Variants in MRPL1 observed in about 807,000 individuals in gnomAD.
MRPL1 encodes mitochondrial ribosomal protein L1.
Under a neutral mutation model 38.0 loss-of-function variants are expected in MRPL1, and 28 were observed. The ratio of observed to expected loss-of-function variants is 0.74; its 90% CI spans 0.55 to 1.01. The LOEUF (loss-of-function observed/expected upper bound fraction) is 1.01. Ranked by LOEUF, MRPL1 falls within the 50% of genes least tolerant of loss-of-function variation. The pLI is 0.00. For missense variants in MRPL1, 358 were observed against 389.8 expected (o/e 0.92, Z 0.69); for synonymous variants, 123 against 126.7 (o/e 0.97, Z 0.20).
At chr4:77,881,352 A>G (rs1735535645) in intron 2 of MRPL1, among the ~76,000 whole-genome samples, 1 of 151,922 alleles carries the variant, frequency 6.6e-6, no homozygotes, top group Non-Finnish European at 1.5e-5. Flanking sequence ...ATCTTAGTTA[A>G]TGATTCTATT....
intron 1 of MRPL1, among the ~76,000 whole-genome samples, chr4:77,869,768 T>A (rs1459825349): frequency 6.6e-6 from 1 of 151,998 alleles, no homozygotes; most frequent in African/African-American, 2.4e-5. Flanking sequence ...TTTTTTTGCG[T>A]TTTTAGTAGA....
chr4:77,933,874 C>T (rs1043880344), intron 7 of MRPL1, among the ~76,000 whole-genome samples: 2 of 152,160 alleles, frequency 1.3e-5, no homozygotes, highest in Admixed American at 1.3e-4. Context: ...TTTAACTCCA[C>T]ACAATGAAAA....
At chr4:77,871,014 AT>A (rs1735268252) in intron 1 of MRPL1, among the ~76,000 whole-genome samples, 1 of 152,160 alleles carries the variant, frequency 6.6e-6, no homozygotes, top group African/African-American at 2.4e-5. Flanking sequence ...AAATTAAGAA[AT>A]TTTGGGATAC....
At chr4:77,931,691 G>A (rs767124723) in intron 7 of MRPL1, among the ~76,000 whole-genome samples, 2 of 152,204 alleles carry the variant, frequency 1.3e-5, no homozygotes, top group Non-Finnish European at 2.9e-5. Context: ...GTCATCTTGT[G>A]TTGGTATATA....
At chr4:77,917,842 G>C (rs1219432240) in intron 7 of MRPL1, among the ~76,000 whole-genome samples, 1 of 152,102 alleles carries the variant, frequency 6.6e-6, no homozygotes, top group Non-Finnish European at 1.5e-5. Flanking sequence ...GATCACCTGA[G>C]GTCAGGAGTT....
intron 7 of MRPL1, among the ~76,000 whole-genome samples, chr4:77,927,312 G>A (rs1736736970): frequency 6.6e-6 from 1 of 152,024 alleles, no homozygotes; most frequent in South Asian, 2.1e-4. Flanking sequence ...TTCTAAAGAT[G>A]TTTAAATGTT....
Position 77,894,236 on chromosome 4 carries a change from CA to C in MRPL1, c.659del (p.Lys220SerfsTer26). ...AGGAAGAAACTGAATAAAAAATATC[CA>C]AAGCTTTCTCGAAGTAAGAGAATTC... ...RLRKKLNKKY[P>X]KLSRNSIGRD... is the part of the protein sequence containing the mutation. On this transcript the variant is annotated frameshift_variant, in exon 6 of 9. Coordinates refer to ENST00000315567, the MANE Select transcript of MRPL1 (RefSeq NM_020236.4). LOFTEE classifies it high-confidence loss of function. The C allele has an allele frequency of 4.4e-6, 7 of 1,575,820 alleles. No homozygotes were observed. The highest frequency in any genetic ancestry group is 6.1e-6 in the Non-Finnish European group (7 of 1,155,480).
chr4:77,863,015 TGGG>T, intron 1 of MRPL1, 136 bp downstream of exon 1: 12 of 1,092,256 alleles, frequency 1.1e-5, no homozygotes, highest in Non-Finnish European at 1.6e-5. Flanking sequence ...TTTCAGAGGG[TGGG>T]TCATTACTAC....
At chr4:77,883,177 CTTTT>C in intron 2 of MRPL1, 61 bp from the exon 3 acceptor site, 2 of 1,073,032 alleles carry the variant, frequency 1.9e-6, no homozygotes, top group South Asian at 4.1e-5. Context: ...TGTACACTGG[CTTTT>C]TTTTTAAAAA....
intron 7 of MRPL1, among the ~76,000 whole-genome samples, chr4:77,930,445 C>G (rs1202929070): frequency 6.6e-6 from 1 of 152,208 alleles, no homozygotes; most frequent in African/African-American, 2.4e-5. Flanking sequence ...GGAATGCAAA[C>G]CCTATTGTGA....
chr4:77,934,938 A>G (rs1736930767), intron 7 of MRPL1, among the ~76,000 whole-genome samples: 1 of 152,188 alleles, frequency 6.6e-6, no homozygotes, highest in Non-Finnish European at 1.5e-5. Context: ...AAGGACAAAT[A>G]TTGTATCATT....
intron 5 of MRPL1, among the ~76,000 whole-genome samples, chr4:77,892,235 A>G (rs1735824839): frequency 6.6e-6 from 1 of 151,582 alleles, no homozygotes; most frequent in African/African-American, 2.4e-5. Context: ...GGGTTCAAGC[A>G]ATTCTCCTGA....
intron 7 of MRPL1, among the ~76,000 whole-genome samples, chr4:77,941,121 C>T (rs916357219): frequency 2.6e-5 from 4 of 152,000 alleles, no homozygotes; most frequent in South Asian, 4.1e-4. Flanking sequence ...CAAAATTAGC[C>T]GGGCGTGGTG....
rs1460088700 is a variant in MRPL1, at chr4:77,885,324, T to G, written c.471T>G (p.Val157=). ...PYPFASEINK[V]AVFTENASEV... ...CATTTGCTTCCGAAATCAATAAAGT[T>G]GCTGTATTTACAGAGGTGAGTAACT... is the stretch of plus-strand genomic sequence containing the variant. The change falls in exon 4 of 9, where the codon GTT becomes GTG. Residue 157 remains valine, a synonymous_variant. Coordinates refer to ENST00000315567, the MANE Select transcript of MRPL1 (RefSeq NM_020236.4). The G allele has an allele frequency of 2.5e-6, 4 of 1,613,112 alleles. No individual in the cohort carries two copies. The highest frequency in any genetic ancestry group is 1.7e-5 in the Admixed American group (1 of 60,000).
chr4:77,879,276 T>C (rs1735473209), intron 2 of MRPL1, among the ~76,000 whole-genome samples: 1 of 152,200 alleles, frequency 6.6e-6, no homozygotes, highest in Non-Finnish European at 1.5e-5. Flanking sequence ...TTGGAAGAAA[T>C]TTGTTAAATT....
At chr4:77,927,890 G>C (rs1455487564) in intron 7 of MRPL1, among the ~76,000 whole-genome samples, 1 of 152,136 alleles carries the variant, frequency 6.6e-6, no homozygotes, top group African/African-American at 2.4e-5. Flanking sequence ...GAGAAGAAAA[G>C]AGTAAGACAA....
At chr4:77,940,259 T>A (rs1389661989) in intron 7 of MRPL1, among the ~76,000 whole-genome samples, 8 of 152,332 alleles carry the variant, frequency 5.3e-5, no homozygotes, top group African/African-American at 1.7e-4. Flanking sequence ...GTCTTTTACC[T>A]CTTTGGTTAG....
At chr4:77,919,996 G>A (rs1195483212) in intron 7 of MRPL1, among the ~76,000 whole-genome samples, 5 of 152,040 alleles carry the variant, frequency 3.3e-5, no homozygotes, top group African/African-American at 7.2e-5. Flanking sequence ...AAAAATCTTT[G>A]GGGATTAATA....
intron 3 of MRPL1, among the ~76,000 whole-genome samples, chr4:77,884,646 A>G (rs1735632075): frequency 6.6e-6 from 1 of 152,238 alleles, no homozygotes; most frequent in South Asian, 2.1e-4. Context: ...AGTCACTCAG[A>G]AGATCCCTTT....
Sources: allele counts gnomAD v4.1 joint callset (sites outside exome capture counted in the v4.1 genomes callset), GRCh38; gene constraint gnomAD v4.1.1; transcripts MANE v1.5; gene names NCBI Gene and HGNC (gene_info 2026-07-23, HGNC 2026-07-21).